TLE1: variants seen among roughly 807,000 people sequenced by gnomAD.
The protein encoded by TLE1 is transducin-like enhancer protein 1.
TLE1 carries 21 observed loss-of-function variants against 89.8 expected under a neutral mutation model. The observed-to-expected ratio is 0.23, with a 90% CI of 0.17 to 0.34. The LOEUF (loss-of-function observed/expected upper bound fraction) is 0.34, where lower values mean the gene tolerates loss of function less well. TLE1 is among the 10% of genes least tolerant of loss of function. TLE1 has a pLI of 1.00. For missense variants in TLE1, 795 were observed against 1,031.2 expected (o/e 0.77, Z 3.14); for synonymous variants, 447 against 407.6 (o/e 1.10, Z -1.16).
chr9:81,658,351 G>A (rs1255634479), intron 4 of TLE1, among the ~76,000 whole-genome samples: 2 of 152,118 alleles, frequency 1.3e-5, no homozygotes, highest in Non-Finnish European at 2.9e-5. Context: ...AACAGGAGGA[G>A]AAAAGTTAGA....
intron 12 of TLE1, among the ~76,000 whole-genome samples, chr9:81,613,155 A>G (rs1344861181): frequency 2.6e-5 from 4 of 152,266 alleles, no homozygotes; most frequent in Admixed American, 6.5e-5. Context: ...CAAGAAAAAA[A>G]GAAAAGCTGA....
At chr9:81,617,773 C>G (rs867052358) in intron 9 of TLE1, among the ~76,000 whole-genome samples, 4 of 151,978 alleles carry the variant, frequency 2.6e-5, no homozygotes, top group Non-Finnish European at 5.9e-5. Flanking sequence ...AGCCTATAAT[C>G]CCAGCACTTT....
intron 8 of TLE1, among the ~76,000 whole-genome samples, chr9:81,633,020 A>G (rs1166340555): frequency 2.0e-5 from 3 of 152,212 alleles, no homozygotes; most frequent in African/African-American, 7.2e-5. Context: ...GAATGCAACC[A>G]TTAACACTTT....
intron 4 of TLE1, among the ~76,000 whole-genome samples, chr9:81,667,063 T>C (rs1046308049): frequency 6.0e-5 from 9 of 150,970 alleles, no homozygotes; most frequent in African/African-American, 2.2e-4. Context: ...GGTTTGGAGT[T>C]TGGAGTTTTG....
chr9:81,613,617 A>T (rs1254461668), intron 11 of TLE1, 96 bp from the exon 12 acceptor site: 3 of 1,415,348 alleles, frequency 2.1e-6, no homozygotes, highest in African/African-American at 2.8e-5. Flanking sequence ...GGCACCTTCT[A>T]GCTACTCCCT....
chr9:81,585,230 T>G (rs371483068), intron 18 of TLE1, among the ~76,000 whole-genome samples: 2 of 151,542 alleles, frequency 1.3e-5, no homozygotes, highest in African/African-American at 4.9e-5. Flanking sequence ...CTCTTCAGAG[T>G]AGAAACTCAT....
chr9:81,677,701 A>G (rs1341429783), intron 4 of TLE1, among the ~76,000 whole-genome samples: 2 of 152,174 alleles, frequency 1.3e-5, no homozygotes, highest in Non-Finnish European at 2.9e-5. Context: ...TACCAAACCC[A>G]GTCTCATGGT....
chr9:81,649,625 A>T (rs1829291360), intron 6 of TLE1, among the ~76,000 whole-genome samples: 1 of 152,198 alleles, frequency 6.6e-6, no homozygotes, highest in Non-Finnish European at 1.5e-5. Context: ...GCAGACTAAG[A>T]GCGTGGCCTC....
At chr9:81,642,906 G>A (rs1828332840) in intron 6 of TLE1, among the ~76,000 whole-genome samples, 1 of 152,174 alleles carries the variant, frequency 6.6e-6, no homozygotes, top group Admixed American at 6.5e-5. Context: ...CCTTGAAAAA[G>A]AAGAAAATCC....
chr9:81,637,100 G>A lies in TLE1; in HGVS notation c.373-2799C>T, dbSNP rs141091966. 2.5e-3 allele frequency among the ~76,000 whole-genome samples: 381 copies of A among 152,260 alleles called. 2 individuals are homozygous for A. The highest frequency in any genetic ancestry group is 7.7e-3 in the African/African-American group (321 of 41,540). On this transcript the variant is annotated intron_variant, in intron 6 of 19. Transcript: ENST00000376499. ...GAACTGGGGAAGGTGGGTCATGCCT[G>A]TAATCCCAGCACTTTGGGAGGCTGA...
chr9:81,681,057 A>G (rs1833560569), intron 4 of TLE1, among the ~76,000 whole-genome samples: 2 of 152,214 alleles, frequency 1.3e-5, no homozygotes, highest in African/African-American at 4.8e-5. Flanking sequence ...AACCCACTAA[A>G]GAACAACGCA....
At chr9:81,684,863 T>C (rs147782794) in intron 4 of TLE1, among the ~76,000 whole-genome samples, 2 of 152,342 alleles carry the variant, frequency 1.3e-5, no homozygotes, top group East Asian at 3.9e-4. Flanking sequence ...TGGCAGACAA[T>C]GACTACTCAA....
At chr9:81,588,502 G>A (rs919346764) in intron 16 of TLE1, among the ~76,000 whole-genome samples, 6 of 152,176 alleles carry the variant, frequency 3.9e-5, no homozygotes, top group Non-Finnish European at 8.8e-5. Context: ...AATTGCTGAG[G>A]CAGACCCACG....
At chr9:81,633,566 G>T in intron 7 of TLE1, 1 of 684,248 alleles carries the variant, frequency 1.5e-6, no homozygotes, top group Non-Finnish European at 2.4e-6. Context: ...AAGATTTACA[G>T]TTTAACCATA....
In TLE1 at chr9:81,619,810, A is replaced by G. The variant is rs772468001; in HGVS notation, c.711+631T>C. On this transcript the variant is annotated intron_variant, in intron 9 of 19. Transcript: ENST00000376499. ...TGGTTTTAGCTGGATCTGTGACAAG[A>G]GCCCTCACTCCATCAACCAGTAGAG... Among the ~76,000 whole-genome samples the G allele has an allele frequency of 2.2e-4, 34 of 152,308 alleles. 1 individual carries two copies. The highest frequency in any genetic ancestry group is 3.4e-3 in the Middle Eastern group (1 of 294).
chr9:81,610,905 A>G (rs1471850873), intron 13 of TLE1, among the ~76,000 whole-genome samples: 4 of 152,184 alleles, frequency 2.6e-5, no homozygotes, highest in African/African-American at 9.7e-5. Flanking sequence ...GACAGCATGT[A>G]GTCTCTCAGC....
chr9:81,660,304 A>C (rs1213402901), intron 4 of TLE1, among the ~76,000 whole-genome samples: 1 of 151,954 alleles, frequency 6.6e-6, no homozygotes, highest in Non-Finnish European at 1.5e-5. Flanking sequence ...GCAACCAGAT[A>C]AACCATTACT....
chr9:81,611,934 T>A lies in TLE1; in HGVS notation c.1089A>T (p.Ala363=). 6.8e-7 allele frequency: 1 copy of A among 1,475,106 alleles called. No homozygotes were observed. 91.4% of individuals were successfully genotyped at this position (1,475,106 alleles called of 1,614,324 possible). A position where few individuals can be genotyped will look rare whatever the true frequency, so the allele number is the denominator to read the frequency against. ...QAAAGLRTPL[A]VPGPYPAPFG... is the part of the protein sequence containing the mutation. ...AAGGAGCAGGATATGGGCCGGGCAC[T>A]GCCAGGGGTGTCCTCAAGCCAGCTG... Residue 363 remains alanine, a synonymous_variant, in exon 13 of 20, where the codon GCA becomes GCT. Transcript: ENST00000376499.
chr9:81,659,268 T>C (rs978581036), intron 4 of TLE1, among the ~76,000 whole-genome samples: 7 of 152,206 alleles, frequency 4.6e-5, no homozygotes, highest in African/African-American at 1.7e-4. Context: ...CAGGTTAACC[T>C]GGGTATTTGA....
Sources: allele counts gnomAD v4.1 joint callset (sites outside exome capture counted in the v4.1 genomes callset), GRCh38; gene constraint gnomAD v4.1.1; transcripts MANE v1.5; gene names NCBI Gene and HGNC (gene_info 2026-07-23, HGNC 2026-07-21).